IPP: variants seen among roughly 807,000 people sequenced by gnomAD.
The protein encoded by IPP is actin-binding protein IPP.
Under a neutral mutation model 64.1 loss-of-function variants are expected in IPP, and 41 were observed. The observed-to-expected ratio is 0.64, with a 90% confidence interval of 0.50 to 0.83. The LOEUF is 0.83. IPP is among the 40% of genes least tolerant of loss of function. The probability of loss-of-function intolerance (pLI) is 0.00; values close to 1 mark genes in which losing one functional copy is unlikely to be tolerated. For synonymous variants in IPP, 214 were observed against 235.2 expected, an observed-to-expected ratio of 0.91 and a Z score of 0.83; for missense variants, 649 against 703.0, an observed-to-expected ratio of 0.92 and a Z score of 0.87.
chr1:45,720,190 C>T (rs1242960488), intron 5 of IPP, among the ~76,000 whole-genome samples: 1 of 152,128 alleles, frequency 6.6e-6, no homozygotes, highest in Non-Finnish European at 1.5e-5. Flanking sequence ...ATCCTCCTGC[C>T]TCAGCCTCCC....
intron 5 of IPP, among the ~76,000 whole-genome samples, chr1:45,721,485 G>A (rs1409351867): frequency 6.6e-6 from 1 of 152,212 alleles, no homozygotes; most frequent in African/African-American, 2.4e-5. Context: ...GAGGAATTAA[G>A]CATGTCATGT....
At chr1:45,705,356 C>G (rs1645501519) in intron 8 of IPP, among the ~76,000 whole-genome samples, 1 of 152,186 alleles carries the variant, frequency 6.6e-6, no homozygotes, top group Non-Finnish European at 1.5e-5. Flanking sequence ...GAAAATATTT[C>G]TGCCGGAAAA....
chr1:45,735,621 A>ATTTTTTTT (rs1160000550), intron 3 of IPP, among the ~76,000 whole-genome samples: 3 of 57,464 alleles, frequency 5.2e-5, no homozygotes, highest in Non-Finnish European at 9.4e-5. Flanking sequence ...AGACCTGGCT[A>ATTTTTTTT]TTTTTTTTTT....
intron 5 of IPP, among the ~76,000 whole-genome samples, chr1:45,722,253 CA>C: frequency 6.6e-6 from 1 of 151,580 alleles, no homozygotes; most frequent in East Asian, 1.9e-4. Context: ...GACTCCGTTT[CA>C]AAAAATAAAA....
chr1:45,725,418 G>A (rs1645807887), intron 5 of IPP, among the ~76,000 whole-genome samples: 1 of 147,586 alleles, frequency 6.8e-6, no homozygotes, highest in African/African-American at 2.5e-5. Context: ...CTACTGGGAA[G>A]TGAGGAGCCC....
chr1:45,725,851 G>A (rs1216004033), intron 5 of IPP, among the ~76,000 whole-genome samples: 6 of 136,148 alleles, frequency 4.4e-5, no homozygotes, highest in African/African-American at 1.1e-4. Context: ...GATTAAGGGC[G>A]GTGCAAGATG....
chr1:45,696,513 G>A (rs1645389563), downstream of IPP, among the ~76,000 whole-genome samples: 2 of 152,200 alleles, frequency 1.3e-5, no homozygotes, highest in African/African-American at 4.8e-5. Flanking sequence ...TGGTGAGGTG[G>A]CTCATGCCTG....
At chr1:45,742,823 T>C (rs1163702535) in intron 2 of IPP, among the ~76,000 whole-genome samples, 2 of 151,662 alleles carry the variant, frequency 1.3e-5, no homozygotes, top group Non-Finnish European at 2.9e-5. Context: ...TACACAATGC[T>C]AGTTTTTAAT....
In IPP at chr1:45,707,601, C is replaced by T. The variant is rs571170005; in HGVS notation, c.1530+6645G>A. 3.2e-4 allele frequency among the ~76,000 whole-genome samples: 48 copies of T among 151,766 alleles called. 1 individual carries two copies. Among genetic ancestry groups the T allele is most frequent in the African/African-American group, 1.0e-3 (42 of 41,388 alleles). ...ATTCCATAGATGGGATTGGACACTG[C>T]GAACTAGAAGTTTGGATACTCTAAA... On this transcript the variant is annotated intron_variant, in intron 8 of 8. Transcript: ENST00000396478.
At position 45,727,739 on chromosome 1, in the gene IPP, C is replaced by CT; in HGVS notation, c.939dup (p.Glu314ArgfsTer4). 2 of 1,597,208 alleles carry CT rather than the reference C, an allele frequency of 1.3e-6. No homozygotes were observed. The highest frequency in any genetic ancestry group is 1.7e-6 in the Non-Finnish European group (2 of 1,167,348). On this transcript the variant is annotated frameshift_variant, in exon 5 of 9. Transcript: ENST00000396478. LOFTEE classifies it high-confidence loss of function. ...TACTGGCTAAAGGTGTCAAAACGTTCTACACAGCTGAGGGCTCTGCTATCA... is the reference window on the plus strand; with the variant it reads ...TACTGGCTAAAGGTGTCAAAACGTTCTTACACAGCTGAGGGCTCTGCTATCA...
intron 5 of IPP, among the ~76,000 whole-genome samples, chr1:45,720,153 G>A (rs984574668): frequency 2.0e-5 from 3 of 151,962 alleles, no homozygotes; most frequent in African/African-American, 7.2e-5. Flanking sequence ...ATCGCTCACT[G>A]AAGCCTCAAA....
intron 3 of IPP, among the ~76,000 whole-genome samples, chr1:45,731,740 G>T (rs1436073362): frequency 6.6e-6 from 1 of 152,072 alleles, no homozygotes; most frequent in Admixed American, 6.6e-5. Context: ...TAAGAGACCA[G>T]CCTGGCCAAC....
chr1:45,697,396 A>T (rs1645396103), downstream of IPP: 1 of 152,066 alleles, frequency 6.6e-6, no homozygotes, highest in South Asian at 2.1e-4. Context: ...GATTACAGGC[A>T]TGTACCACCA....
At chr1:45,734,198 T>C (rs1257645029) in intron 3 of IPP, among the ~76,000 whole-genome samples, 3 of 152,052 alleles carry the variant, frequency 2.0e-5, no homozygotes, top group African/African-American at 7.2e-5. Flanking sequence ...TAGCAAAAAG[T>C]TGATACTGTT....
Position 45,699,285 on chromosome 1 carries a change from TA to T in IPP, c.*680del. ...GCTAGTGAAAACTCTTGGCATTAAA[TA>T]AAAGTAGGAATCTATTTCATTGGCT... On this transcript the variant is annotated 3_prime_UTR_variant, in exon 9 of 9. Transcript: ENST00000396478. 1.0e-6 allele frequency: 1 copy of T among 985,398 alleles called. No individual in the cohort carries two copies. The highest frequency in any genetic ancestry group is 1.2e-6 in the Non-Finnish European group (1 of 829,906). 61.0% of individuals were successfully genotyped at this position (985,398 alleles called of 1,614,324 possible).
chr1:45,721,796 T>C (rs1645734661), intron 5 of IPP, among the ~76,000 whole-genome samples: 1 of 152,244 alleles, frequency 6.6e-6, no homozygotes, highest in African/African-American at 2.4e-5. Flanking sequence ...GCGTGGTGGC[T>C]AACGCCTGTA....
chr1:45,733,993 A>G (rs2148575008), intron 3 of IPP, among the ~76,000 whole-genome samples: 1 of 152,302 alleles, frequency 6.6e-6, no homozygotes, highest in East Asian at 1.9e-4. Flanking sequence ...AACAATGCAT[A>G]TTAAAAAAAA....
At chr1:45,734,710 C>T (rs1645953785) in intron 3 of IPP, among the ~76,000 whole-genome samples, 2 of 151,352 alleles carry the variant, frequency 1.3e-5, no homozygotes, top group East Asian at 1.9e-4. Context: ...ACCTCTGCCT[C>T]CTGGGTTCAA....
intron 1 of IPP, among the ~76,000 whole-genome samples, chr1:45,749,271 C>A (rs1395645578): frequency 6.6e-6 from 1 of 152,186 alleles, no homozygotes; most frequent in Non-Finnish European, 1.5e-5. Flanking sequence ...CCATGCTTCT[C>A]AGTAACTGCT....
Sources: allele counts gnomAD v4.1 joint callset (sites outside exome capture counted in the v4.1 genomes callset), GRCh38; gene constraint gnomAD v4.1.1; transcripts MANE v1.5; gene names NCBI Gene and HGNC (gene_info 2026-07-23, HGNC 2026-07-21).